The following SHOX variants were observed in gnomAD, a reference collection of about 807,000 sequenced individuals.
The protein encoded by SHOX is SHOX homeobox, also known as short stature homeobox protein.
In SHOX, 12 loss-of-function variants were observed where a neutral mutation model predicts 29.6. The ratio of observed to expected loss-of-function variants is 0.41; its 90% CI spans 0.26 to 0.66. The LOEUF (loss-of-function observed/expected upper bound fraction) is 0.66. Among genes scored for constraint, SHOX ranks in the 30% least tolerant of loss-of-function variants. The pLI is 0.35. For missense variants in SHOX, 499 were observed against 437.7 expected (o/e 1.14, Z -1.25); for synonymous variants, 214 against 200.6 (o/e 1.07, Z -0.57).
chrX:633,842 G>A (rs1396634863), intron 1 of SHOX, among the ~76,000 whole-genome samples: 1 of 152,146 alleles, frequency 6.6e-6, no homozygotes, highest in Non-Finnish European at 1.5e-5. Flanking sequence ...GAGGCTGAAT[G>A]TCTAAAATGA....
intron 1 of SHOX, among the ~76,000 whole-genome samples, chrX:625,125 TTTC>T (rs1003470027): frequency 7.1e-6 from 1 of 140,676 alleles, no homozygotes; most frequent in African/African-American, 2.6e-5. Flanking sequence ...TTTCTTTCTC[TTTC>T]TTTTTTCTTT....
Position 630,974 on chromosome X carries a change from G to C in SHOX, c.77G>C (p.Gly26Ala). ...GACGGTAACGGCGGAGGCGGAGGCG[G>C]CGGAGGTAAGAAGGATTCCATTACG... ...SKDGNGGGGG[G>A]GGKKDSITYR... is the part of the protein sequence containing the mutation. The change falls in exon 1 of 5, where the codon GGC (glycine) becomes GCC (alanine). Residue 26 changes from glycine (G) to alanine (A), a missense_variant. Transcript: ENST00000686671. 6.2e-7 allele frequency: 1 copy of C among 1,613,866 alleles called. No homozygotes were observed. Among genetic ancestry groups the C allele is most frequent in the Non-Finnish European group, 8.5e-7 (1 of 1,179,854 alleles).
chrX:648,667 G>C lies in SHOX; in HGVS notation c.*4031G>C, dbSNP rs1569495647. 2.0e-5 allele frequency among the ~76,000 whole-genome samples: 3 copies of C among 152,236 alleles called. No individual in the cohort carries two copies. The highest frequency in any genetic ancestry group is 1.3e-4 in the Admixed American group (2 of 15,282). On this transcript the variant is annotated 3_prime_UTR_variant, in exon 5 of 5. Coordinates refer to ENST00000686671, the MANE Select transcript of SHOX (RefSeq NM_000451.4). The stretch of plus-strand genomic sequence containing the variant: ...GCAGATCAAACGCAGAGAACTGTGA[G>C]GGTGGGACACGAGTGTCTGTGGACA...
Position 641,023 on chromosome X carries a change from A to T in SHOX, c.569A>T (p.His190Leu). The stretch of plus-strand genomic sequence containing the variant: ...GGCGTCATCTTGGGCACAGCCAACC[A>T]CCTAGACGCCTGCCGAGTGGCACCC... ...HKGVILGTANHLDACRVAPYV... is the reference protein window; with the variant it reads ...HKGVILGTANLLDACRVAPYV... The change falls in exon 4 of 5, where the codon CAC becomes CTC. Residue 190 changes from histidine (H) to leucine (L), a missense_variant. By Grantham distance (99) the His-to-Leu change is moderately conservative. Transcript: ENST00000686671. 1 of 1,613,780 alleles carries T rather than the reference A, an allele frequency of 6.2e-7. No homozygotes were observed. Among genetic ancestry groups the T allele is most frequent in the African/African-American group, 1.3e-5 (1 of 74,996 alleles).
chrX:642,498 C>T (rs949439419), intron 4 of SHOX, among the ~76,000 whole-genome samples: 2 of 152,174 alleles, frequency 1.3e-5, no homozygotes, highest in Admixed American at 6.5e-5. Flanking sequence ...GAGCGCTGGT[C>T]GCCGCTAGCT....
rs924896107 is a variant in SHOX at position 646,714 on chromosome X, G to T, written c.*2078G>T. The T allele has an allele frequency of 2.0e-5, 3 of 151,798 alleles. No homozygotes were observed. The highest frequency in any genetic ancestry group is 7.3e-5 in the African/African-American group (3 of 41,306). 9.4% of individuals were successfully genotyped at this position (151,798 alleles called of 1,614,324 possible). On this transcript the variant is annotated 3_prime_UTR_variant, in exon 5 of 5. Coordinates refer to ENST00000686671, the MANE Select transcript of SHOX (RefSeq NM_000451.4). Reference sequence around the variant, plus strand: ...ATGTTACAACCGCTGTAAAATGACGGAGAGAGAGAGAAAGAATCCCAGACA... The same window carrying T: ...ATGTTACAACCGCTGTAAAATGACGTAGAGAGAGAGAAAGAATCCCAGACA...
chrX:625,643 GTCTC>G (rs1174476306), intron 1 of SHOX, among the ~76,000 whole-genome samples: 2 of 138,450 alleles, frequency 1.4e-5, no homozygotes, highest in Non-Finnish European at 3.1e-5. Flanking sequence ...CTCTATCTCT[GTCTC>G]TCTTTCTCTC....
rs1169517557 is a variant in SHOX at position 645,807 on chromosome X, CAG to C, written c.*1176_*1177del. On this transcript the variant is annotated 3_prime_UTR_variant, in exon 5 of 5. Transcript: ENST00000686671. ...GAAGCGTAAAAGCCAGGGAGAGATC[CAG>C]AGAGTTTTCAAGTTTTTGCAGATGT... The C allele has an allele frequency of 6.6e-6, 1 of 152,216 alleles. No homozygotes were observed. Among genetic ancestry groups the C allele is most frequent in the African/African-American group, 2.4e-5 (1 of 41,450 alleles). 9.4% of individuals were successfully genotyped at this position (152,216 alleles called of 1,614,324 possible). A position where few individuals can be genotyped will look rare whatever the true frequency, so the allele number is the denominator to read the frequency against.
At chrX:633,714 T>G (rs1212248540) in intron 1 of SHOX, among the ~76,000 whole-genome samples, 1 of 152,080 alleles carries the variant, frequency 6.6e-6, no homozygotes, top group Admixed American at 6.5e-5. Context: ...GCTTCTCATC[T>G]GTGCTCAGCA....
rs71204368 is a variant in SHOX at position 648,247 on chromosome X, C to G, written c.*3611C>G. Among the ~76,000 whole-genome samples, 17 of 127,854 alleles carry G rather than the reference C, an allele frequency of 1.3e-4. No homozygotes were observed. Among genetic ancestry groups the G allele is most frequent in the African/African-American group, 4.7e-4 (15 of 31,618 alleles). 83.9% of individuals were successfully genotyped at this position (127,854 alleles called of 152,430 possible). ...GGGTAACTTTCTGGTATTTTTAGTA[C>G]AGACAGGGTTTCGGCCTCCTGAGTA... On this transcript the variant is annotated 3_prime_UTR_variant, in exon 5 of 5. Coordinates refer to ENST00000686671, the MANE Select transcript of SHOX (RefSeq NM_000451.4).
chrX:625,346 G>T (rs920770528), intron 1 of SHOX, among the ~76,000 whole-genome samples: 8 of 151,780 alleles, frequency 5.3e-5, no homozygotes, highest in Non-Finnish European at 8.8e-5. Context: ...TCTGAAACCT[G>T]ATTCTTTTGG....
chrX:635,255 C>G (rs1222103872), intron 2 of SHOX, among the ~76,000 whole-genome samples: 1 of 151,808 alleles, frequency 6.6e-6, no homozygotes, highest in Non-Finnish European at 1.5e-5. Flanking sequence ...ACTTAGGAGA[C>G]GAAGCTACAG....
chrX:629,797 G>C (rs894668285), upstream of SHOX, among the ~76,000 whole-genome samples: 4 of 152,162 alleles, frequency 2.6e-5, no homozygotes, highest in African/African-American at 4.8e-5. Context: ...GAACCGTGAC[G>C]CGTTTGGTTT....
chrX:625,537 C>CTGTCTCTG (rs1394675612), intron 1 of SHOX, among the ~76,000 whole-genome samples: 66 of 150,402 alleles, frequency 4.4e-4, no homozygotes, highest in African/African-American at 1.6e-3. Context: ...GTATCTCTGT[C>CTGTCTCTG]TCTCTCTTTC....
Position 635,394 on chromosome X carries a change from G to A in SHOX, c.486+568G>A, listed in dbSNP as rs57558671. On this transcript the variant is annotated intron_variant, in intron 2 of 4. Coordinates refer to ENST00000686671, the MANE Select transcript of SHOX (RefSeq NM_000451.4). ...GTTTCCTTAGGATGAAAGGAGAGGGGTGTCCTCTGTCCCTAGGTGGAGAGA... is the reference window on the plus strand; with the variant it reads ...GTTTCCTTAGGATGAAAGGAGAGGGATGTCCTCTGTCCCTAGGTGGAGAGA... Among the ~76,000 whole-genome samples, 178 of 152,272 alleles carry A rather than the reference G, an allele frequency of 1.2e-3. 1 individual carries two copies. Among genetic ancestry groups the A allele is most frequent in the African/African-American group, 3.9e-3 (164 of 41,550 alleles).
At chrX:653,158 T>C (rs2053092105), downstream of SHOX, among the ~76,000 whole-genome samples, 1 of 152,094 alleles carries the variant, frequency 6.6e-6, no homozygotes, top group Admixed American at 6.6e-5. Context: ...GGAGAATCGC[T>C]TGGACCCAGG....
chrX:625,227 C>CCTCCTCCTCCTTCTT (rs1569491842), intron 1 of SHOX, among the ~76,000 whole-genome samples: 19 of 139,070 alleles, frequency 1.4e-4, no homozygotes, highest in Non-Finnish European at 2.4e-4. Flanking sequence ...TCCTCCTTCT[C>CCTCCTCCTCCTTCTT]CCTCCTCCTC....
downstream of SHOX, among the ~76,000 whole-genome samples, chrX:655,451 A>G (rs2053123910): frequency 6.6e-6 from 1 of 151,602 alleles, no homozygotes; most frequent in Admixed American, 6.6e-5. Flanking sequence ...CAAAAAATCA[A>G]AAATTTAGCC....
At chrX:631,358 A>C in intron 1 of SHOX, 184 bp downstream of exon 1, 1 of 324,994 alleles carries the variant, frequency 3.1e-6, no homozygotes, top group Non-Finnish European at 4.4e-6. Flanking sequence ...CCGACCGGAG[A>C]CGCGGGTGGT....
Sources: allele counts gnomAD v4.1 joint callset (sites outside exome capture counted in the v4.1 genomes callset), GRCh38; gene constraint gnomAD v4.1.1; transcripts MANE v1.5; gene names NCBI Gene and HGNC (gene_info 2026-07-23, HGNC 2026-07-21).